The following STAG1 variants were observed in gnomAD, a reference collection of about 807,000 sequenced individuals.
The protein encoded by STAG1 is cohesin subunit SA-1.
In STAG1, 26 loss-of-function variants were observed where a neutral mutation model predicts 170.9. That is an observed-to-expected ratio of 0.15 (90% CI 0.11 to 0.21). The LOEUF (loss-of-function observed/expected upper bound fraction) is 0.21, where lower values mean the gene tolerates loss of function less well. STAG1 is among the 10% of genes least tolerant of loss of function. The pLI is 1.00. For missense variants in STAG1, 964 were observed against 1,509.5 expected, an observed-to-expected ratio of 0.64 and a Z score of 5.99; for synonymous variants, 514 against 497.7, an observed-to-expected ratio of 1.03 and a Z score of -0.44.
At chr3:136,680,767 G>T (rs1481539298) in intron 1 of STAG1, among the ~76,000 whole-genome samples, 1 of 150,984 alleles carries the variant, frequency 6.6e-6, no homozygotes, top group African/African-American at 2.4e-5. Context: ...ATTATAACTA[G>T]TGGTAAATAT....
chr3:136,709,753 G>A (rs1197803368), intron 1 of STAG1, among the ~76,000 whole-genome samples: 5 of 149,254 alleles, frequency 3.3e-5, no homozygotes, highest in Admixed American at 1.3e-4. Context: ...GAAGGTGGGG[G>A]GCCGGACAAG....
rs1212624840 is a variant in STAG1, at chr3:136,642,619, G to C, written c.-83-11638C>G. On this transcript the variant is annotated intron_variant, in intron 1 of 33. Transcript: ENST00000383202. ...ATAAAAGAAACTGCTGATAAAACCAGATAATTTTGTATGGGAATAATTTCT... is the reference window on the plus strand; with the variant it reads ...ATAAAAGAAACTGCTGATAAAACCACATAATTTTGTATGGGAATAATTTCT... 2.0e-5 allele frequency among the ~76,000 whole-genome samples: 3 copies of C among 152,132 alleles called. No individual in the cohort carries two copies. In the East Asian group the frequency reaches 5.8e-4, roughly 29 times the overall value.
intron 12 of STAG1, 137 bp downstream of exon 12, chr3:136,472,276 C>A: frequency 4.1e-6 from 2 of 490,668 alleles, no homozygotes; most frequent in Non-Finnish European, 7.0e-6. Flanking sequence ...CTTTTTAAAT[C>A]TAACGTTAAA....
At chr3:136,495,896 G>T (rs1370453092) in intron 9 of STAG1, among the ~76,000 whole-genome samples, 1 of 151,414 alleles carries the variant, frequency 6.6e-6, no homozygotes, top group African/African-American at 2.4e-5. Flanking sequence ...GTGAACCTGG[G>T]AGGCGGAGCT....
intron 31 of STAG1, among the ~76,000 whole-genome samples, chr3:136,341,192 A>G (rs59805051): frequency 0.012 from 1,762 of 152,292 alleles, 21 homozygotes; most frequent in African/African-American, 0.041. Flanking sequence ...TTACAGGCGG[A>G]GCCACCGCGC....
At chr3:136,362,987 C>A (rs1936933222) in intron 26 of STAG1, among the ~76,000 whole-genome samples, 1 of 152,088 alleles carries the variant, frequency 6.6e-6, no homozygotes, top group African/African-American at 2.4e-5. Context: ...TTTTAAATTA[C>A]TAAGCATTTA....
intron 10 of STAG1, among the ~76,000 whole-genome samples, chr3:136,476,507 C>T (rs753362229): frequency 1.2e-4 from 18 of 152,142 alleles, no homozygotes; most frequent in Non-Finnish European, 2.1e-4. Context: ...TATTACGTAA[C>T]ATGTATAATG....
chr3:136,340,104 C>A (rs1382294899), intron 32 of STAG1, among the ~76,000 whole-genome samples: 1 of 152,158 alleles, frequency 6.6e-6, no homozygotes, highest in African/African-American at 2.4e-5. Flanking sequence ...ATCAGTGTCA[C>A]CTCCTCCTCA....
chr3:136,448,215 T>G (rs2088840159), intron 14 of STAG1, among the ~76,000 whole-genome samples: 1 of 152,146 alleles, frequency 6.6e-6, no homozygotes, highest in Non-Finnish European at 1.5e-5. Context: ...TACTTCTCAT[T>G]TCAGTAAAAT....
At chr3:136,529,293 T>C (rs1935242405) in intron 6 of STAG1, among the ~76,000 whole-genome samples, 1 of 152,176 alleles carries the variant, frequency 6.6e-6, no homozygotes, top group Non-Finnish European at 1.5e-5. Flanking sequence ...GACATTTAGA[T>C]ACAAGAGGCT....
chr3:136,493,241 G>GGACTGAGTGGGA (rs1310232728), intron 9 of STAG1, among the ~76,000 whole-genome samples: 1 of 152,122 alleles, frequency 6.6e-6, no homozygotes, highest in Non-Finnish European at 1.5e-5. Context: ...TACTCAGGAG[G>GGACTGAGTGGGA]CTGAGGTGGG....
intron 14 of STAG1, among the ~76,000 whole-genome samples, chr3:136,443,785 T>C (rs1258044608): frequency 6.9e-6 from 1 of 145,290 alleles, no homozygotes; most frequent in Non-Finnish European, 1.5e-5. Context: ...TAATAATTTT[T>C]CCCTTGGAAT....
intron 1 of STAG1, among the ~76,000 whole-genome samples, chr3:136,670,580 G>A (rs1050709160): frequency 3.3e-5 from 5 of 152,088 alleles, no homozygotes; most frequent in African/African-American, 7.2e-5. Flanking sequence ...GGGTTCAAGC[G>A]ATTCCTGTGC....
chr3:136,646,819 T>G (rs1941036087), intron 1 of STAG1, among the ~76,000 whole-genome samples: 2 of 151,878 alleles, frequency 1.3e-5, no homozygotes, highest in South Asian at 4.2e-4. Flanking sequence ...GTCAGGAGAA[T>G]CGCTTGAACT....
chr3:136,522,773 G>C (rs891250572), intron 6 of STAG1, among the ~76,000 whole-genome samples: 2 of 136,820 alleles, frequency 1.5e-5, no homozygotes, highest in African/African-American at 2.8e-5. Flanking sequence ...CTGTGTCCAA[G>C]TGTTCTCACT....
rs1937403650 is a variant in STAG1 at position 136,575,017 on chromosome 3, A to C, written c.298-6156T>G. Among the ~76,000 whole-genome samples the C allele has an allele frequency of 1.3e-5, 2 of 152,206 alleles. 1 individual carries two copies. The highest frequency in any genetic ancestry group is 1.3e-4 in the Admixed American group (2 of 15,280). On this transcript the variant is annotated intron_variant, in intron 4 of 33. Coordinates refer to ENST00000383202, the MANE Select transcript of STAG1 (RefSeq NM_005862.3). Reference sequence around the variant, plus strand: ...TAAATCTGATTTAAAAATCAGTAACAAAAATATACCTAAAATGTCCCCAAA... The same window carrying C: ...TAAATCTGATTTAAAAATCAGTAACCAAAATATACCTAAAATGTCCCCAAA...
At chr3:136,693,575 C>T (rs1351805915) in intron 1 of STAG1, among the ~76,000 whole-genome samples, 4 of 152,034 alleles carry the variant, frequency 2.6e-5, no homozygotes, top group African/African-American at 7.2e-5. Context: ...TACAGTTGTG[C>T]CACGTAGAGC....
chr3:136,375,756 G>A (rs899859696), intron 23 of STAG1, among the ~76,000 whole-genome samples: 2 of 151,614 alleles, frequency 1.3e-5, no homozygotes, highest in African/African-American at 2.4e-5. Flanking sequence ...AGATCATGAG[G>A]TCAGGAGTTT....
At chr3:136,410,326 G>C (rs991843630) in intron 21 of STAG1, among the ~76,000 whole-genome samples, 4 of 151,694 alleles carry the variant, frequency 2.6e-5, no homozygotes, top group African/African-American at 9.7e-5. Flanking sequence ...CCTGAACCCG[G>C]GAAGTGGAGG....
Sources: gnomAD v4.1 joint callset for allele counts (sites outside exome capture counted in the v4.1 genomes callset) on GRCh38, gnomAD v4.1.1 for gene constraint, MANE v1.5 for transcripts, NCBI Gene and HGNC (gene_info 2026-07-23, HGNC 2026-07-21) for gene names.